Variants in CDH4 observed in about 807,000 individuals in gnomAD.
The protein encoded by CDH4 is cadherin 4.
Under a neutral mutation model 86.0 loss-of-function variants are expected in CDH4, and 33 were observed. The observed-to-expected ratio is 0.38, with a 90% confidence interval of 0.29 to 0.51. The LOEUF is 0.51. Among genes scored for constraint, CDH4 ranks in the 20% least tolerant of loss-of-function variants. The pLI is 0.86. For missense variants in CDH4, 1,114 were observed against 1,307.4 expected (o/e 0.85, Z 2.28); for synonymous variants, 555 against 549.4 (o/e 1.01, Z -0.14).
intron 2 of CDH4, among the ~76,000 whole-genome samples, chr20:61,429,364 A>G (rs1265350746): frequency 6.6e-6 from 1 of 152,254 alleles, no homozygotes. Flanking sequence ...TGCCCTGGCC[A>G]TCAGGCTCTT....
At chr20:61,461,627 G>T (rs576743786) in intron 2 of CDH4, among the ~76,000 whole-genome samples, 1 of 152,228 alleles carries the variant, frequency 6.6e-6, no homozygotes, top group African/African-American at 2.4e-5. Flanking sequence ...GCCCGCAACG[G>T]GGGAGTGAGG....
chr20:61,314,447 CCTTT>C (rs1400907801), intron 2 of CDH4, among the ~76,000 whole-genome samples: 1 of 152,136 alleles, frequency 6.6e-6, no homozygotes, highest in African/African-American at 2.4e-5. Context: ...GCCAGGATTT[CCTTT>C]CTTATGGTGG....
chr20:61,806,932 G>T (rs1980171175), intron 4 of CDH4, among the ~76,000 whole-genome samples: 1 of 152,156 alleles, frequency 6.6e-6, no homozygotes, highest in South Asian at 2.1e-4. Flanking sequence ...TGCACTCCAG[G>T]TTTTCCCGTA....
chr20:61,420,758 A>T (rs1248616087), intron 2 of CDH4, among the ~76,000 whole-genome samples: 1 of 152,192 alleles, frequency 6.6e-6, no homozygotes, highest in Non-Finnish European at 1.5e-5. Context: ...CCACAGGGGA[A>T]TAAGGTCAGG....
intron 4 of CDH4, among the ~76,000 whole-genome samples, chr20:61,793,465 T>C (rs1979325414): frequency 6.6e-6 from 1 of 152,014 alleles, no homozygotes; most frequent in Admixed American, 6.6e-5. Context: ...ATAAGAGACA[T>C]TGAGAAACAT....
chr20:61,867,515 C>A (rs1018137999), intron 6 of CDH4, among the ~76,000 whole-genome samples: 2 of 150,852 alleles, frequency 1.3e-5, no homozygotes, highest in Non-Finnish European at 2.9e-5. Flanking sequence ...ATGCCACTGC[C>A]CTCCTGCCTG....
chr20:61,781,586 TGAA>T (rs1178294003), intron 4 of CDH4, among the ~76,000 whole-genome samples: 2 of 152,196 alleles, frequency 1.3e-5, no homozygotes, highest in East Asian at 3.8e-4. Context: ...TTATCCAGCC[TGAA>T]GAAGGAGGAG....
chr20:61,629,161 GA>G (rs1240222633), intron 2 of CDH4, among the ~76,000 whole-genome samples: 3 of 152,246 alleles, frequency 2.0e-5, no homozygotes, highest in East Asian at 3.9e-4. Context: ...GAGGGGCTGG[GA>G]GGAGGCACGT....
At chr20:61,871,291 G>A (rs1047943050) in intron 6 of CDH4, among the ~76,000 whole-genome samples, 4 of 152,000 alleles carry the variant, frequency 2.6e-5, no homozygotes, top group Non-Finnish European at 2.9e-5. Context: ...CAGGCTCCTC[G>A]TGAGTTCCTT....
At chr20:61,669,381 A>C (rs2087362164) in intron 2 of CDH4, among the ~76,000 whole-genome samples, 1 of 152,184 alleles carries the variant, frequency 6.6e-6, no homozygotes, top group Non-Finnish European at 1.5e-5. Context: ...GGGAGCCTGG[A>C]GGAGGGCCCA....
At chr20:61,620,807 G>A (rs1300569734) in intron 2 of CDH4, among the ~76,000 whole-genome samples, 1 of 152,208 alleles carries the variant, frequency 6.6e-6, no homozygotes, top group Non-Finnish European at 1.5e-5. Context: ...GAATCAGGTA[G>A]AAAATGGACA....
chr20:61,423,329 C>T (rs768379311), intron 2 of CDH4, among the ~76,000 whole-genome samples: 3 of 152,186 alleles, frequency 2.0e-5, no homozygotes, highest in Non-Finnish European at 2.9e-5. Flanking sequence ...TGTGCACTCA[C>T]CTCACAGATG....
intron 2 of CDH4, among the ~76,000 whole-genome samples, chr20:61,633,201 C>T (rs1241339585): frequency 6.7e-6 from 1 of 149,876 alleles, no homozygotes; most frequent in African/African-American, 2.5e-5. Context: ...ATCCATTCAT[C>T]CATCCTTCCA....
rs981735508 is a variant in CDH4, at chr20:61,792,658, A to ATTTTT, written c.576+19481_576+19485dup. On this transcript the variant is annotated intron_variant, in intron 4 of 15. Coordinates refer to ENST00000614565, the MANE Select transcript of CDH4 (RefSeq NM_001794.5). ...TGATGCTGTGTGTGTGTGTGTGTGT[A>ATTTTT]TTTTTTTTTGAGATGGGGTCTTGCT... Among the ~76,000 whole-genome samples, 237 of 149,834 alleles carry ATTTTT rather than the reference A, an allele frequency of 1.6e-3. 1 individual carries two copies. The highest frequency in any genetic ancestry group is 5.4e-3 in the African/African-American group (218 of 40,568).
chr20:61,810,421 G>A lies in CDH4; in HGVS notation c.577-34247G>A, dbSNP rs1980374441. On this transcript the variant is annotated intron_variant, in intron 4 of 15. Coordinates refer to ENST00000614565, the MANE Select transcript of CDH4 (RefSeq NM_001794.5). This position sits in a 1 kb window ranked among gnomAD's most constrained non-coding sequence, Gnocchi z 4.3. ...TGCCCTCGGCCAAGTTTCTGACCTG[G>A]GTTCTCAGACCCAAGTTCTGACCCG... is the stretch of plus-strand genomic sequence containing the variant. Among the ~76,000 whole-genome samples the A allele has an allele frequency of 6.6e-6, 1 of 152,128 alleles. No individual in the cohort carries two copies. Among genetic ancestry groups the A allele is most frequent in the Admixed American group, 6.5e-5 (1 of 15,286 alleles).
At chr20:61,454,303 A>G (rs1490297041) in intron 2 of CDH4, among the ~76,000 whole-genome samples, 1 of 152,174 alleles carries the variant, frequency 6.6e-6, no homozygotes, top group African/African-American at 2.4e-5. Flanking sequence ...GGCAGCCACA[A>G]CCATGGGGTG....
chr20:61,376,520 G>A (rs6089648), intron 2 of CDH4, among the ~76,000 whole-genome samples: 1 of 152,194 alleles, frequency 6.6e-6, no homozygotes, highest in African/African-American at 2.4e-5. Flanking sequence ...GACATGGTGA[G>A]GAGGCTGAGG....
chr20:61,500,565 A>G (rs2085693639), intron 2 of CDH4, among the ~76,000 whole-genome samples: 1 of 152,172 alleles, frequency 6.6e-6, no homozygotes, highest in Non-Finnish European at 1.5e-5. Flanking sequence ...GAAAACACAG[A>G]AGGAAGGGAA....
At chr20:61,289,303 A>G (rs2084309654) in intron 2 of CDH4, among the ~76,000 whole-genome samples, 1 of 152,166 alleles carries the variant, frequency 6.6e-6, no homozygotes, top group South Asian at 2.1e-4. Context: ...AGCTCACAGG[A>G]TGGAGTGACC....
Sources: allele counts gnomAD v4.1 joint callset (sites outside exome capture counted in the v4.1 genomes callset), GRCh38; gene constraint gnomAD v4.1.1; non-coding constraint Gnocchi (gnomAD v3.1); transcripts MANE v1.5; gene names NCBI Gene and HGNC (gene_info 2026-07-23, HGNC 2026-07-21).